Variants in ROBO2 observed in about 807,000 individuals in gnomAD.
ROBO2 encodes roundabout guidance receptor 2, also known as roundabout homolog 2.
A neutral mutation model predicts 160.8 loss-of-function variants in ROBO2; 53 were observed. The observed-to-expected ratio is 0.33, with a 90% confidence interval of 0.26 to 0.41. The LOEUF is 0.41. ROBO2 is among the 10% of genes least tolerant of loss of function. ROBO2 has a pLI of 1.00. For missense variants in ROBO2, 1,577 were observed against 1,722.4 expected (o/e 0.92, Z 1.49); for synonymous variants, 664 against 611.7 (o/e 1.09, Z -1.26).
intron 2 of ROBO2, among the ~76,000 whole-genome samples, chr3:77,321,224 G>T (rs2064658825): frequency 6.6e-6 from 1 of 152,092 alleles, no homozygotes; most frequent in Admixed American, 6.6e-5. Flanking sequence ...CTGTGTATTA[G>T]AAATATTTTA....
At chr3:77,247,224 A>G (rs1014656168) in intron 2 of ROBO2, among the ~76,000 whole-genome samples, 6 of 152,200 alleles carry the variant, frequency 3.9e-5, no homozygotes, top group African/African-American at 1.4e-4. Context: ...CTGCTGTGGA[A>G]TTGTGTCATA....
chr3:77,279,979 T>C (rs1478208983), intron 2 of ROBO2, among the ~76,000 whole-genome samples: 1 of 152,146 alleles, frequency 6.6e-6, no homozygotes, highest in Non-Finnish European at 1.5e-5. Context: ...CATTGTAAAG[T>C]ATATTTTCTT....
At chr3:76,972,969 C>T (rs1295544813) in intron 2 of ROBO2, among the ~76,000 whole-genome samples, 6 of 152,160 alleles carry the variant, frequency 3.9e-5, no homozygotes, top group Non-Finnish European at 8.8e-5. Flanking sequence ...TTGTTTTTCA[C>T]TTTTCCTTTT....
At chr3:76,682,833 T>G (rs1275839899) in intron 2 of ROBO2, among the ~76,000 whole-genome samples, 1 of 152,202 alleles carries the variant, frequency 6.6e-6, no homozygotes, top group East Asian at 1.9e-4. Flanking sequence ...ACTCCATTAT[T>G]CACGTGTTAG....
intron 2 of ROBO2, among the ~76,000 whole-genome samples, chr3:75,979,880 G>A (rs1246968033): frequency 1.3e-5 from 2 of 151,444 alleles, no homozygotes; most frequent in Non-Finnish European, 3.0e-5. Context: ...TTAATTTTAT[G>A]TAAGTTGCTT....
intron 2 of ROBO2, among the ~76,000 whole-genome samples, chr3:76,803,478 AGGGAGGG>A (rs1480425717): frequency 1.3e-4 from 15 of 116,672 alleles, no homozygotes; most frequent in East Asian, 3.0e-4. Context: ...GAAGGAAGGG[AGGGAGGG>A]AGGGAGAGAG....
chr3:76,359,729 T>C (rs2075392876), intron 2 of ROBO2, among the ~76,000 whole-genome samples: 1 of 152,096 alleles, frequency 6.6e-6, no homozygotes, highest in Non-Finnish European at 1.5e-5. Context: ...ATTTGATTCA[T>C]ATAGTATTCA....
chr3:77,325,337 T>C (rs1435584186), intron 2 of ROBO2, among the ~76,000 whole-genome samples: 1 of 152,322 alleles, frequency 6.6e-6, no homozygotes, highest in East Asian at 1.9e-4. Flanking sequence ...CTTCAGGGTT[T>C]TGGGCAACAT....
rs190869689 is a variant in ROBO2, at chr3:77,228,436, C to A, written c.388+130096C>A. Among the ~76,000 whole-genome samples, 589 of 151,504 alleles carry A rather than the reference C, an allele frequency of 3.9e-3. 1 individual carries two copies. Among genetic ancestry groups the A allele is most frequent in the Non-Finnish European group, 5.7e-3 (386 of 67,848 alleles). ...ACAAACACACACACACACACACACA[C>A]CCTTTTTTTTTAATTTCAAAAATTA... On this transcript the variant is annotated intron_variant, in intron 2 of 25. Transcript: ENST00000461745.
chr3:76,145,215 T>G (rs2071839618), intron 2 of ROBO2, among the ~76,000 whole-genome samples: 3 of 152,056 alleles, frequency 2.0e-5, no homozygotes, highest in Admixed American at 2.0e-4. Flanking sequence ...ATCTGACTTA[T>G]TTTTTCTATT....
chr3:77,319,662 C>T (rs757188107), intron 2 of ROBO2, among the ~76,000 whole-genome samples: 35 of 152,132 alleles, frequency 2.3e-4, no homozygotes, highest in Non-Finnish European at 4.6e-4. Flanking sequence ...TTATCAATAA[C>T]GTCAATATAG....
intron 1 of ROBO2, among the ~76,000 whole-genome samples, chr3:75,915,995 A>G (rs1052475486): frequency 6.6e-6 from 1 of 152,212 alleles, no homozygotes; most frequent in African/African-American, 2.4e-5. Flanking sequence ...TATAGATGAT[A>G]ATTTTTCATC....
At chr3:76,829,953 C>A (rs1452151309) in intron 2 of ROBO2, among the ~76,000 whole-genome samples, 2 of 152,236 alleles carry the variant, frequency 1.3e-5, no homozygotes, top group Admixed American at 1.3e-4. Flanking sequence ...CAGGCGTAAG[C>A]CACCGTACCC....
intron 2 of ROBO2, among the ~76,000 whole-genome samples, chr3:77,139,434 T>C (rs953618231): frequency 6.6e-6 from 1 of 152,280 alleles, no homozygotes; most frequent in East Asian, 1.9e-4. Context: ...TAACCAGCCA[T>C]TTACCTAGGG....
chr3:76,605,993 A>G (rs1188789747), intron 2 of ROBO2, among the ~76,000 whole-genome samples: 7 of 152,156 alleles, frequency 4.6e-5, no homozygotes, highest in African/African-American at 1.7e-4. Context: ...CAAGCTAGAT[A>G]TCTTCTAAGA....
chr3:76,278,470 G>A (rs1708056794), intron 2 of ROBO2, among the ~76,000 whole-genome samples: 1 of 151,864 alleles, frequency 6.6e-6, no homozygotes, highest in African/African-American at 2.4e-5. Flanking sequence ...CAATATATTT[G>A]CTCCCTAATA....
chr3:76,278,051 TAA>T (rs1708029411), intron 2 of ROBO2, among the ~76,000 whole-genome samples: 1 of 151,808 alleles, frequency 6.6e-6, no homozygotes, highest in Non-Finnish European at 1.5e-5. Context: ...TAATTGTCAT[TAA>T]GAGGTAAACG....
chr3:76,689,977 G>T (rs147599410), intron 2 of ROBO2, among the ~76,000 whole-genome samples: 1 of 152,020 alleles, frequency 6.6e-6, no homozygotes, highest in African/African-American at 2.4e-5. Context: ...TAACCTGGTC[G>T]TTGAAATTGA....
rs577102087 is a variant in ROBO2 at position 76,477,697 on chromosome 3, CCA to C, written c.109+540098_109+540099del. On this transcript the variant is annotated intron_variant, in intron 2 of 26. Transcript: ENST00000487694. Reference sequence around the variant, plus strand: ...ACCTTTTGCTGCTGCTCAAATTTATCCACAGTCTTCAAACTTCCAGACTCTCA... The same window carrying C: ...ACCTTTTGCTGCTGCTCAAATTTATCCAGTCTTCAAACTTCCAGACTCTCA... 3.0e-3 allele frequency among the ~76,000 whole-genome samples: 454 copies of C among 152,084 alleles called. 3 individuals carry two copies. The highest frequency in any genetic ancestry group is 8.9e-3 in the African/African-American group (371 of 41,502).
Sources: allele counts gnomAD v4.1 joint callset (sites outside exome capture counted in the v4.1 genomes callset), GRCh38; gene constraint gnomAD v4.1.1; transcripts MANE v1.5; gene names NCBI Gene and HGNC (gene_info 2026-07-23, HGNC 2026-07-21).